Variants in VEZT observed in about 807,000 individuals in gnomAD.
VEZT encodes vezatin.
Under a neutral mutation model 79.9 loss-of-function variants are expected in VEZT, and 39 were observed. That is an observed-to-expected ratio of 0.49 (90% CI 0.38 to 0.64). The LOEUF (loss-of-function observed/expected upper bound fraction) is 0.64. Among genes scored for constraint, VEZT ranks in the 30% least tolerant of loss-of-function variants. VEZT has a pLI of 0.00. For missense variants in VEZT, 837 were observed against 893.1 expected (o/e 0.94, Z 0.80); for synonymous variants, 325 against 327.6 (o/e 0.99, Z 0.09).
At chr12:95,255,179 C>T (rs1290526537) in intron 2 of VEZT, among the ~76,000 whole-genome samples, 1 of 151,760 alleles carries the variant, frequency 6.6e-6, no homozygotes, top group Non-Finnish European at 1.5e-5. Flanking sequence ...AAAAATGTTC[C>T]TTTTAATAGT....
intron 1 of VEZT, among the ~76,000 whole-genome samples, chr12:95,234,488 T>G (rs189278538): frequency 2.8e-3 from 421 of 152,002 alleles, no homozygotes; most frequent in Non-Finnish European, 2.1e-3. Flanking sequence ...GAGGCAGGGT[T>G]TCTCCATGGT....
rs1280157407 is a variant in VEZT at position 95,270,068 on chromosome 12, C to T, written c.728C>T (p.Pro243Leu). Reference protein sequence around the residue: ...RGFTLVSAACPFNKAGQHPSQ... With the variant: ...RGFTLVSAACLFNKAGQHPSQ... ...CTTGACAGGGTCAGTGCTGCTTGCC[C>T]ATTTAATAAAGCTGGACAGCATCCA... is the stretch of plus-strand genomic sequence containing the variant. Residue 243 changes from proline to leucine, a missense_variant, in exon 6 of 12, where the codon CCA becomes CTA. Physicochemically the swap from Pro to Leu is moderately conservative, Grantham distance 98. Transcript: ENST00000436874. 3 of 1,611,200 alleles carry T rather than the reference C, an allele frequency of 1.9e-6. No homozygotes were observed. The highest frequency in any genetic ancestry group is 2.5e-6 in the Non-Finnish European group (3 of 1,178,732).
At chr12:95,286,313 G>C (rs943807571) in intron 8 of VEZT, 2 of 412,898 alleles carry the variant, frequency 4.8e-6, no homozygotes, top group Non-Finnish European at 9.5e-6. Flanking sequence ...ATGTATGTAT[G>C]TATGTAACAA....
chr12:95,227,537 C>T (rs181707490), intron 1 of VEZT, among the ~76,000 whole-genome samples: 30 of 152,198 alleles, frequency 2.0e-4, no homozygotes, highest in Admixed American at 1.1e-3. Context: ...GATGGGGTTT[C>T]GCCATGTTGG....
At chr12:95,299,655 A>G (rs1329147518) in intron 11 of VEZT, 1 of 152,156 alleles carries the variant, frequency 6.6e-6, no homozygotes, top group Admixed American at 6.5e-5. Flanking sequence ...TATTATCTAG[A>G]TTACTTTAAG....
At chr12:95,230,073 C>G (rs989136613) in intron 1 of VEZT, among the ~76,000 whole-genome samples, 8 of 149,052 alleles carry the variant, frequency 5.4e-5, no homozygotes, top group African/African-American at 2.0e-4. Flanking sequence ...CCACTGCACT[C>G]CAGCCTGGGC....
At chr12:95,252,253 G>A in intron 2 of VEZT, 182 bp downstream of exon 2, 2 of 501,680 alleles carry the variant, frequency 4.0e-6, no homozygotes, top group East Asian at 3.6e-5. Flanking sequence ...TACTTTGTAG[G>A]TAATTTATAT....
At chr12:95,221,646 C>A (rs1240445179) in intron 1 of VEZT, among the ~76,000 whole-genome samples, 3 of 151,450 alleles carry the variant, frequency 2.0e-5, no homozygotes, top group African/African-American at 7.3e-5. Flanking sequence ...AGTTTAAGAC[C>A]AGCCTGGTCA....
At chr12:95,281,367 A>T (rs554034159) in intron 7 of VEZT, among the ~76,000 whole-genome samples, 2 of 152,150 alleles carry the variant, frequency 1.3e-5, no homozygotes, top group Non-Finnish European at 2.9e-5. Flanking sequence ...GTTTCCCGCT[A>T]CTCAGGAGGC....
chr12:95,300,261 A>T lies in VEZT; in HGVS notation c.1928A>T (p.Asp643Val), dbSNP rs1472030707. 3 of 1,587,536 alleles carry T rather than the reference A, an allele frequency of 1.9e-6. No individual in the cohort carries two copies. Among genetic ancestry groups the T allele is most frequent in the Middle Eastern group, 1.7e-4 (1 of 6,036 alleles). ...GATATGGGAAAAGTCAGTAAAAATG[A>T]TACTGAAGAGGAAAGTAATAAATCC... ...NSDMGKVSKNDTEEESNKSAT... is the reference protein window; with the variant it reads ...NSDMGKVSKNVTEEESNKSAT... Residue 643 changes from aspartate (D) to valine (V), a missense_variant, in exon 12 of 12, where the codon GAT (aspartate) becomes GTT (valine). Coordinates refer to ENST00000436874, the MANE Select transcript of VEZT (RefSeq NM_017599.4).
At chr12:95,226,378 C>T (rs2058492457) in intron 1 of VEZT, among the ~76,000 whole-genome samples, 1 of 147,800 alleles carries the variant, frequency 6.8e-6, no homozygotes, top group African/African-American at 2.5e-5. Flanking sequence ...CCTCTCTTCC[C>T]CTAAGAAAAT....
intron 5 of VEZT, among the ~76,000 whole-genome samples, chr12:95,267,196 T>G (rs2065698103): frequency 6.6e-6 from 1 of 152,218 alleles, no homozygotes; most frequent in Admixed American, 6.5e-5. Flanking sequence ...ATATATTGAC[T>G]ACTTAATCTA....
At chr12:95,260,096 C>T in intron 3 of VEZT, among the ~76,000 whole-genome samples, 1 of 130,284 alleles carries the variant, frequency 7.7e-6, no homozygotes, top group Admixed American at 7.8e-5. Flanking sequence ...GTTGGTTGAT[C>T]ACTTTTTTTT....
chr12:95,296,399 G>T (rs1431492650), intron 11 of VEZT, 141 bp downstream of exon 11: 6 of 606,060 alleles, frequency 9.9e-6, no homozygotes, highest in Non-Finnish European at 1.6e-5. Flanking sequence ...TCTTCTAGAT[G>T]CTAAATCAAT....
chr12:95,257,605 C>A (rs1708638632), intron 3 of VEZT, among the ~76,000 whole-genome samples: 1 of 152,126 alleles, frequency 6.6e-6, no homozygotes, highest in African/African-American at 2.4e-5. Context: ...AACAGTCAAC[C>A]TGAAAGGTCT....
chr12:95,261,703 A>C (rs147169975), intron 3 of VEZT, among the ~76,000 whole-genome samples: 29 of 152,250 alleles, frequency 1.9e-4, no homozygotes, highest in Non-Finnish European at 3.8e-4. Flanking sequence ...GAGCCACTGC[A>C]CCCGGCCTCT....
intron 5 of VEZT, among the ~76,000 whole-genome samples, chr12:95,269,299 A>T (rs562139008): frequency 1.3e-5 from 2 of 152,328 alleles, no homozygotes; most frequent in South Asian, 2.1e-4. Context: ...CATTAATCTT[A>T]TGGGAAGTGC....
chr12:95,246,936 T>C (rs978181337), intron 1 of VEZT, among the ~76,000 whole-genome samples: 15 of 152,192 alleles, frequency 9.9e-5, no homozygotes, highest in African/African-American at 3.1e-4. Flanking sequence ...AACACCCCTT[T>C]CTAAAGCTAC....
At chr12:95,288,560 G>T (rs367557521) in intron 9 of VEZT, among the ~76,000 whole-genome samples, 21 of 152,256 alleles carry the variant, frequency 1.4e-4, no homozygotes, top group East Asian at 1.4e-3. Context: ...CTTAGGCATA[G>T]AATTTGCATT....
Sources: gnomAD v4.1 joint callset for allele counts (sites outside exome capture counted in the v4.1 genomes callset) on GRCh38, gnomAD v4.1.1 for gene constraint, MANE v1.5 for transcripts, NCBI Gene and HGNC (gene_info 2026-07-23, HGNC 2026-07-21) for gene names.